RASSF5: variants seen among roughly 807,000 people sequenced by gnomAD.
The protein encoded by RASSF5 is ras association domain-containing protein 5.
RASSF5 carries 25 observed loss-of-function variants against 40.5 expected under a neutral mutation model. The ratio of observed to expected loss-of-function variants is 0.62; its 90% CI spans 0.45 to 0.86. The LOEUF is 0.86. RASSF5 is among the 40% of genes least tolerant of loss of function. The probability of loss-of-function intolerance (pLI) is 0.00; values close to 1 mark genes in which losing one functional copy is unlikely to be tolerated. For missense variants in RASSF5, 521 were observed against 572.8 expected (o/e 0.91, Z 0.92); for synonymous variants, 246 against 252.4 (o/e 0.97, Z 0.24).
intron 2 of RASSF5, chr1:206,557,719 G>C (rs1668029810): frequency 6.2e-7 from 1 of 1,611,986 alleles, no homozygotes. Context: ...GAATGCAGGA[G>C]CCTTTCGTGG....
intron 2 of RASSF5, among the ~76,000 whole-genome samples, chr1:206,569,207 A>G (rs1414422746): frequency 1.3e-5 from 2 of 152,244 alleles, no homozygotes; most frequent in Admixed American, 1.3e-4. Context: ...AGCCTTCAGA[A>G]TGAAGACCCA....
chr1:206,508,148 C>T (rs1390850361), intron 1 of RASSF5, 89 bp downstream of exon 1: 3 of 1,021,012 alleles, frequency 2.9e-6, no homozygotes, highest in Non-Finnish European at 3.9e-6. Context: ...GAGAGAGGGG[C>T]CATTACACTC....
intron 2 of RASSF5, chr1:206,557,638 T>G (rs1553401977): frequency 6.2e-7 from 1 of 1,614,256 alleles, no homozygotes; most frequent in South Asian, 1.1e-5. Flanking sequence ...GAAGACTGCT[T>G]CTTCACTGCT....
chr1:206,581,297 A>T (rs1392692715), intron 2 of RASSF5: 1 of 152,606 alleles, frequency 6.6e-6, no homozygotes, highest in African/African-American at 2.4e-5. Context: ...CGATGCCATG[A>T]TGGAAAGAGG....
At chr1:206,524,027 A>G (rs1272176171) in intron 1 of RASSF5, among the ~76,000 whole-genome samples, 1 of 121,462 alleles carries the variant, frequency 8.2e-6, no homozygotes, top group Non-Finnish European at 1.6e-5. Flanking sequence ...TAATAGGTAT[A>G]CCATATATAA....
In RASSF5 at chr1:206,552,381, T is replaced by C. The variant is rs1227383934; in HGVS notation, c.579+14088T>C. Among the ~76,000 whole-genome samples, 2 of 152,196 alleles carry C rather than the reference T, an allele frequency of 1.3e-5. No homozygotes were observed. Among genetic ancestry groups the C allele is most frequent in the Non-Finnish European group, 2.9e-5 (2 of 68,034 alleles). ...GGTATGGATGATATTGGGGAATATG[T>C]GTCAGGAAGTGGGGAGGACATAGGA... On this transcript the variant is annotated intron_variant, in intron 2 of 5. Transcript: ENST00000579436. The surrounding 1 kb of genome is among the most constrained non-coding windows in gnomAD (Gnocchi z 4.1).
intron 1 of RASSF5, among the ~76,000 whole-genome samples, chr1:206,533,857 T>G (rs782375593): frequency 6.6e-6 from 1 of 151,988 alleles, no homozygotes; most frequent in Non-Finnish European, 1.5e-5. Context: ...CGCACTGGAG[T>G]AGGATGGCCT....
intron 1 of RASSF5, among the ~76,000 whole-genome samples, chr1:206,521,229 G>A (rs550235693): frequency 6.6e-6 from 1 of 152,296 alleles, no homozygotes; most frequent in African/African-American, 2.4e-5. Context: ...GGTGGTCCTG[G>A]CTGCAGCGAT....
intron 1 of RASSF5, among the ~76,000 whole-genome samples, chr1:206,518,221 G>A (rs1441809302): frequency 6.6e-6 from 1 of 152,096 alleles, no homozygotes; most frequent in African/African-American, 2.4e-5. Context: ...AAGGACCTCA[G>A]TGCGGAGACA....
At position 206,531,445 on chromosome 1, in the gene RASSF5, C is replaced by T. The variant is rs1382843597; in HGVS notation, c.458-6727C>T. Among the ~76,000 whole-genome samples, 1 of 152,092 alleles carries T rather than the reference C, an allele frequency of 6.6e-6. No homozygotes were observed. The highest frequency in any genetic ancestry group is 1.5e-5 in the Non-Finnish European group (1 of 68,020). Reference sequence around the variant, plus strand: ...GACATCTTGGGGCCAGGTTGAGAGGCGGTATCCTAGCTGGGGGAGCTGGCA... The same window carrying T: ...GACATCTTGGGGCCAGGTTGAGAGGTGGTATCCTAGCTGGGGGAGCTGGCA... On this transcript the variant is annotated intron_variant, in intron 1 of 5. Transcript: ENST00000579436. This position sits in a 1 kb window ranked among gnomAD's most constrained non-coding sequence, Gnocchi z 4.7.
chr1:206,554,253 C>A (rs1435104710), intron 2 of RASSF5, among the ~76,000 whole-genome samples: 1 of 152,180 alleles, frequency 6.6e-6, no homozygotes, highest in Non-Finnish European at 1.5e-5. Flanking sequence ...TCCATAGTTG[C>A]TCAAGATACC....
intron 1 of RASSF5, chr1:206,518,381 C>T (rs1666816991): frequency 2.5e-6 from 1 of 398,624 alleles, no homozygotes; most frequent in Non-Finnish European, 4.4e-6. Flanking sequence ...TGATCTCTGG[C>T]GCTGAGATGA....
At chr1:206,554,237 C>T (rs1553401453) in intron 2 of RASSF5, among the ~76,000 whole-genome samples, 1 of 152,116 alleles carries the variant, frequency 6.6e-6, no homozygotes. Context: ...TTGAGGAAAC[C>T]TGATGTCCAT....
intron 2 of RASSF5, chr1:206,557,108 A>G: frequency 4.1e-6 from 4 of 982,024 alleles, no homozygotes; most frequent in Non-Finnish European, 4.8e-6. Flanking sequence ...GAGGCGGGGG[A>G]GGGGCGCAGT....
At position 206,562,698 on chromosome 1, in the gene RASSF5, C is replaced by T. The variant is rs189695180; in HGVS notation, c.580-20571C>T. Among the ~76,000 whole-genome samples, 21 of 152,150 alleles carry T rather than the reference C, an allele frequency of 1.4e-4. No homozygotes were observed. In the East Asian group the frequency reaches 2.5e-3, roughly 18 times the overall value. On this transcript the variant is annotated intron_variant, in intron 2 of 5. Transcript: ENST00000579436. ...CTGTAATCCCAGCACTTTGGGAGGCCGAGACGGGCGGATCACGAGGTCAGG... is the reference window on the plus strand; with the variant it reads ...CTGTAATCCCAGCACTTTGGGAGGCTGAGACGGGCGGATCACGAGGTCAGG...
chr1:206,525,434 G>C (rs1667074595), intron 1 of RASSF5, among the ~76,000 whole-genome samples: 2 of 151,966 alleles, frequency 1.3e-5, no homozygotes, highest in African/African-American at 4.8e-5. Flanking sequence ...TTAGAGATAG[G>C]GTCTTACTCT....
intron 1 of RASSF5, among the ~76,000 whole-genome samples, chr1:206,536,373 C>T (rs1251245584): frequency 6.6e-6 from 1 of 152,148 alleles, no homozygotes; most frequent in African/African-American, 2.4e-5. Context: ...AGGTTCCAGA[C>T]ACTGTTACAG....
intron 3 of RASSF5, chr1:206,583,736 T>G: frequency 3.7e-6 from 1 of 267,362 alleles, no homozygotes. Flanking sequence ...CTCCCCTTCC[T>G]ACCCCTTCGA....
chr1:206,563,724 A>G (rs1668212248), intron 2 of RASSF5, among the ~76,000 whole-genome samples: 1 of 152,162 alleles, frequency 6.6e-6, no homozygotes, highest in Admixed American at 6.5e-5. Flanking sequence ...AATATTTGGT[A>G]ATTGACTGCT....
Sources: allele counts gnomAD v4.1 joint callset (sites outside exome capture counted in the v4.1 genomes callset), GRCh38; gene constraint gnomAD v4.1.1; non-coding constraint Gnocchi (gnomAD v3.1); transcripts MANE v1.5; gene names NCBI Gene and HGNC (gene_info 2026-07-23, HGNC 2026-07-21).